The following LRPPRC variants were observed in gnomAD, a reference collection of about 807,000 sequenced individuals.
LRPPRC encodes leucine-rich PPR motif-containing protein, mitochondrial.
In LRPPRC, 120 loss-of-function variants were observed where a neutral mutation model predicts 180.3. The observed-to-expected ratio is 0.67, with a 90% CI of 0.57 to 0.77. The LOEUF is 0.77. Among genes scored for constraint, LRPPRC ranks in the 30% least tolerant of loss-of-function variants. The probability of loss-of-function intolerance (pLI) is 0.00; values close to 1 mark genes in which losing one functional copy is unlikely to be tolerated. For synonymous variants in LRPPRC, 723 were observed against 600.0 expected (o/e 1.21, Z -3.00); for missense variants, 2,012 against 1,657.2 (o/e 1.21, Z -3.72).
At chr2:43,971,666 G>T (rs1387213814) in intron 11 of LRPPRC, among the ~76,000 whole-genome samples, 1 of 151,742 alleles carries the variant, frequency 6.6e-6, no homozygotes, top group Non-Finnish European at 1.5e-5. Context: ...CTCCATCACT[G>T]CAGTCACTTT....
intron 6 of LRPPRC, among the ~76,000 whole-genome samples, chr2:43,975,557 T>C (rs1278444150): frequency 6.6e-6 from 1 of 152,040 alleles, no homozygotes; most frequent in Non-Finnish European, 1.5e-5. Flanking sequence ...GAGCAGTTAC[T>C]TCAGATCAGA....
chr2:43,921,502 CAAGTA>C (rs200941131), intron 27 of LRPPRC, among the ~76,000 whole-genome samples: 4,805 of 151,778 alleles, frequency 0.032, 194 homozygotes, highest in African/African-American at 0.096. Flanking sequence ...GAATGTGAAA[CAAGTA>C]AAGTATAAAA....
intron 9 of LRPPRC, 102 bp downstream of exon 9, chr2:43,974,048 T>C: frequency 7.8e-7 from 1 of 1,275,308 alleles, no homozygotes. Context: ...AACATTGTTA[T>C]GATGTTTACA....
At chr2:43,990,147 A>G (rs1674708984) in intron 1 of LRPPRC, among the ~76,000 whole-genome samples, 1 of 152,114 alleles carries the variant, frequency 6.6e-6, no homozygotes, top group South Asian at 2.1e-4. Context: ...TGAACCTGGG[A>G]GGCAGAGGTT....
At chr2:43,966,832 C>T (rs1176823865) in intron 11 of LRPPRC, among the ~76,000 whole-genome samples, 1 of 151,936 alleles carries the variant, frequency 6.6e-6, no homozygotes, top group East Asian at 1.9e-4. Flanking sequence ...TGGTGGATCA[C>T]CTGAAGTCAG....
rs774949069 is a variant in LRPPRC at position 43,912,488 on chromosome 2, G to A, written c.3219C>T (p.Leu1073=). 4.4e-6 allele frequency: 7 copies of A among 1,590,782 alleles called. No individual in the cohort carries two copies. The highest frequency in any genetic ancestry group is 6.0e-6 in the Non-Finnish European group (7 of 1,159,060). The change falls in exon 30 of 38, where the codon CTC becomes CTT. Residue 1073 remains leucine (L), a synonymous_variant. Coordinates refer to ENST00000260665, the MANE Select transcript of LRPPRC (RefSeq NM_133259.4). ...IVFNAETYSN[L]IKLLMSEDYF... is the part of the protein sequence containing the mutation. ...AATCTTCTGACATCAGTAATTTAAT[G>A]AGATTGCTGTAGGTTTCAGCATTAA...
chr2:43,946,576 A>C (rs141088651), intron 20 of LRPPRC, among the ~76,000 whole-genome samples: 123 of 152,202 alleles, frequency 8.1e-4, no homozygotes, highest in Non-Finnish European at 3.7e-4. Context: ...ATCACAGTCT[A>C]ATTTCAGGAT....
intron 1 of LRPPRC, among the ~76,000 whole-genome samples, chr2:43,989,577 T>C (rs1674680645): frequency 6.6e-6 from 1 of 152,240 alleles, no homozygotes; most frequent in Admixed American, 6.5e-5. Context: ...CCCAAGTTTA[T>C]ATCATATATT....
intron 27 of LRPPRC, among the ~76,000 whole-genome samples, chr2:43,923,887 G>A (rs1205530137): frequency 1.3e-5 from 2 of 152,136 alleles, no homozygotes; most frequent in Non-Finnish European, 2.9e-5. Context: ...CTCAAACACA[G>A]ATTATAATTT....
At chr2:43,928,549 G>C (rs1213077867) in intron 25 of LRPPRC, among the ~76,000 whole-genome samples, 1 of 151,938 alleles carries the variant, frequency 6.6e-6, no homozygotes, top group Non-Finnish European at 1.5e-5. Context: ...TAACATAGTA[G>C]GAGGAAAAAT....
chr2:43,980,377 A>G (rs1430067089), intron 2 of LRPPRC, among the ~76,000 whole-genome samples: 2 of 152,076 alleles, frequency 1.3e-5, no homozygotes, highest in Non-Finnish European at 2.9e-5. Flanking sequence ...AACATGGAGA[A>G]ACCCTGTCTC....
chr2:43,921,148 C>T (rs1320921456), intron 27 of LRPPRC, among the ~76,000 whole-genome samples: 6 of 152,038 alleles, frequency 3.9e-5, no homozygotes, highest in Non-Finnish European at 8.8e-5. Flanking sequence ...AAAAATTAGC[C>T]AGGTGTGGTG....
chr2:43,974,881 T>A, intron 7 of LRPPRC, 123 bp from the exon 8 acceptor site: 1 of 1,086,406 alleles, frequency 9.2e-7, no homozygotes, highest in South Asian at 1.4e-5. Context: ...TTACGACTTC[T>A]TTTAAAAAAC....
chr2:43,987,567 G>A (rs964877262), intron 1 of LRPPRC, among the ~76,000 whole-genome samples: 5 of 148,548 alleles, frequency 3.4e-5, no homozygotes, highest in African/African-American at 1.2e-4. Context: ...CTAATACCCT[G>A]TTCCCACAAA....
At position 43,958,415 on chromosome 2, in the gene LRPPRC, G is replaced by C. The variant is rs975702742; in HGVS notation, c.1583-964C>G. Among the ~76,000 whole-genome samples the C allele has an allele frequency of 3.3e-5, 5 of 152,294 alleles. No individual in the cohort carries two copies. In the East Asian group the frequency reaches 7.7e-4, roughly 23 times the overall value. On this transcript the variant is annotated intron_variant, in intron 13 of 37. Transcript: ENST00000260665. ...ATTAAAGAAAAATCCCATGGGAAAA[G>C]TCATGGCCCATTTTAAGTGTTCATC...
At position 43,947,326 on chromosome 2, in the gene LRPPRC, T is replaced by C. The variant is rs1672722382; in HGVS notation, c.2010A>G (p.Thr670=). The C allele has an allele frequency of 1.9e-6, 3 of 1,606,738 alleles. No homozygotes were observed. The highest frequency in any genetic ancestry group is 2.6e-6 in the Non-Finnish European group (3 of 1,174,148). ...TSSELESTLE[T]LKAENQPIRD... The stretch of plus-strand genomic sequence containing the variant: ...TTATAGGTTGATTTTCAGCTTTTAG[T>C]GTTTCAAGTGTGGACTCCAATTCAG... Residue 670 remains threonine, a synonymous_variant, in exon 20 of 38, where the codon ACA becomes ACG. Coordinates refer to ENST00000260665, the MANE Select transcript of LRPPRC (RefSeq NM_133259.4).
intron 25 of LRPPRC, among the ~76,000 whole-genome samples, chr2:43,930,157 G>T (rs1375773435): frequency 4.6e-5 from 7 of 152,220 alleles, no homozygotes; most frequent in African/African-American, 1.4e-4. Flanking sequence ...GCCATCAAAA[G>T]AGAGTTTTTC....
intron 36 of LRPPRC, among the ~76,000 whole-genome samples, chr2:43,892,191 A>G (rs1670514200): frequency 6.6e-6 from 1 of 152,264 alleles, no homozygotes; most frequent in African/African-American, 2.4e-5. Context: ...GAAGGCGGCT[A>G]CACTAAACAA....
intron 27 of LRPPRC, among the ~76,000 whole-genome samples, chr2:43,924,777 G>C (rs1028726827): frequency 6.6e-6 from 1 of 152,142 alleles, no homozygotes; most frequent in African/African-American, 2.4e-5. Context: ...AAAAAGAACA[G>C]AAAGACCGTT....
Sources: allele counts gnomAD v4.1 joint callset (sites outside exome capture counted in the v4.1 genomes callset), GRCh38; gene constraint gnomAD v4.1.1; transcripts MANE v1.5; gene names NCBI Gene and HGNC (gene_info 2026-07-23, HGNC 2026-07-21).